Variants in LRP1B observed in about 807,000 individuals in gnomAD.
LRP1B encodes the protein low-density lipoprotein receptor-related protein 1B.
Under a neutral mutation model 556.6 loss-of-function variants are expected in LRP1B, and 217 were observed. The ratio of observed to expected loss-of-function variants is 0.39; its 90% CI spans 0.35 to 0.44. LRP1B has a LOEUF of 0.44. Ranked by LOEUF, LRP1B falls within the 20% of genes least tolerant of loss-of-function variation. The probability of loss-of-function intolerance (pLI) is 1.00; values close to 1 mark genes in which losing one functional copy is unlikely to be tolerated. For synonymous variants in LRP1B, 2,047 were observed against 1,865.8 expected, an observed-to-expected ratio of 1.10 and a Z score of -2.50; for missense variants, 5,053 against 5,620.8, an observed-to-expected ratio of 0.90 and a Z score of 3.23.
intron 11 of LRP1B, among the ~76,000 whole-genome samples, chr2:141,029,781 G>A (rs74829402): frequency 1.7e-3 from 260 of 152,182 alleles, no homozygotes; most frequent in African/African-American, 6.1e-3. Flanking sequence ...ATGCAGTGGC[G>A]GCAGGTTTAT....
At chr2:140,299,378 A>T (rs2105004139) in intron 83 of LRP1B, among the ~76,000 whole-genome samples, 1 of 152,260 alleles carries the variant, frequency 6.6e-6, no homozygotes. Flanking sequence ...TGAACAAAGT[A>T]ATATACATTT....
intron 11 of LRP1B, among the ~76,000 whole-genome samples, chr2:141,039,853 CA>C (rs1315756527): frequency 6.6e-6 from 1 of 151,916 alleles, no homozygotes; most frequent in African/African-American, 2.4e-5. Context: ...TATATTGGTT[CA>C]AATTACTTTT....
At chr2:141,943,705 C>T (rs1700880339) in intron 1 of LRP1B, among the ~76,000 whole-genome samples, 1 of 151,772 alleles carries the variant, frequency 6.6e-6, no homozygotes, top group East Asian at 1.9e-4. Flanking sequence ...ACTATAAGCA[C>T]AGGTGCAATT....
intron 3 of LRP1B, among the ~76,000 whole-genome samples, chr2:141,409,583 T>G (rs1690773123): frequency 6.6e-6 from 1 of 152,106 alleles, no homozygotes; most frequent in South Asian, 2.1e-4. Context: ...ATATGTCTAC[T>G]ATGTGGAAAA....
chr2:140,487,454 C>A (rs1257938360), intron 58 of LRP1B, among the ~76,000 whole-genome samples, 163 bp downstream of exon 58: 1 of 151,822 alleles, frequency 6.6e-6, no homozygotes, highest in East Asian at 1.9e-4. Flanking sequence ...TAAAAGGTCT[C>A]ATTTTTCATA....
chr2:141,041,135 G>GAT (rs942186246), intron 11 of LRP1B, among the ~76,000 whole-genome samples: 1 of 152,004 alleles, frequency 6.6e-6, no homozygotes, highest in Non-Finnish European at 1.5e-5. Flanking sequence ...CTTCTCTTCT[G>GAT]ATATTATCAG....
At chr2:140,712,053 GC>G (rs1196292615) in intron 37 of LRP1B, among the ~76,000 whole-genome samples, 2 of 152,114 alleles carry the variant, frequency 1.3e-5, no homozygotes, top group Non-Finnish European at 2.9e-5. Context: ...CCATTTCTGA[GC>G]TCTCAAATGA....
chr2:140,893,895 G>A (rs1298670913), intron 23 of LRP1B, among the ~76,000 whole-genome samples: 3 of 152,156 alleles, frequency 2.0e-5, no homozygotes, highest in African/African-American at 4.8e-5. Flanking sequence ...TAGCAATAAT[G>A]TGCCTAAAGT....
At chr2:141,562,333 A>G (rs1185215247) in intron 2 of LRP1B, among the ~76,000 whole-genome samples, 1 of 151,880 alleles carries the variant, frequency 6.6e-6, no homozygotes, top group Non-Finnish European at 1.5e-5. Flanking sequence ...ATGGACCCAG[A>G]GATTTCTTTT....
At chr2:141,935,459 C>T (rs896962929) in intron 1 of LRP1B, among the ~76,000 whole-genome samples, 4 of 151,974 alleles carry the variant, frequency 2.6e-5, no homozygotes, top group African/African-American at 7.3e-5. Flanking sequence ...TCTTAGATGG[C>T]CATTAAAGTT....
intron 6 of LRP1B, among the ~76,000 whole-genome samples, chr2:141,224,066 TA>T (rs1439551428): frequency 5.9e-5 from 9 of 151,854 alleles, no homozygotes; most frequent in Non-Finnish European, 1.2e-4. Context: ...TTCTGCACAG[TA>T]AAAGAAACTA....
rs547837272 is a variant in LRP1B, at chr2:141,725,742, C to T, written c.205+84537G>A. On this transcript the variant is annotated intron_variant, in intron 2 of 90. Transcript: ENST00000389484. The stretch of plus-strand genomic sequence containing the variant: ...ATTTTACTTTGAAGAATTTAGTCTA[C>T]GGGCTAAGAGGATGTAGCTGAGAGA... Among the ~76,000 whole-genome samples the T allele has an allele frequency of 4.2e-4, 63 of 151,598 alleles. No homozygotes were observed. The South Asian group carries it at 0.012, about 28-fold the overall frequency.
chr2:141,840,568 A>C (rs1697435383), intron 1 of LRP1B, among the ~76,000 whole-genome samples: 2 of 151,948 alleles, frequency 1.3e-5, no homozygotes, highest in African/African-American at 4.8e-5. Context: ...TATTAGAACA[A>C]ATTTCATCCT....
At chr2:141,168,388 A>G (rs1680356778) in intron 7 of LRP1B, among the ~76,000 whole-genome samples, 1 of 152,088 alleles carries the variant, frequency 6.6e-6, no homozygotes, top group South Asian at 2.1e-4. Flanking sequence ...TGTTACTTAG[A>G]GCAGTGAAGT....
chr2:141,989,084 C>G (rs1702275230), intron 1 of LRP1B, among the ~76,000 whole-genome samples: 1 of 152,014 alleles, frequency 6.6e-6, no homozygotes, highest in Non-Finnish European at 1.5e-5. Context: ...AAGCATCTTG[C>G]ATTCTCTTTT....
chr2:141,945,791 G>A (rs1700937138), intron 1 of LRP1B, among the ~76,000 whole-genome samples: 1 of 148,514 alleles, frequency 6.7e-6, no homozygotes, highest in South Asian at 2.1e-4. Flanking sequence ...GCAAATCAGA[G>A]GCCTTGGCCT....
At chr2:142,074,404 G>A (rs1705426724) in intron 1 of LRP1B, among the ~76,000 whole-genome samples, 1 of 151,946 alleles carries the variant, frequency 6.6e-6, no homozygotes, top group Non-Finnish European at 1.5e-5. Flanking sequence ...TAATTCTCAA[G>A]GTTCCATCAT....
chr2:141,997,799 G>T (rs1702542967), intron 1 of LRP1B, among the ~76,000 whole-genome samples: 1 of 151,852 alleles, frequency 6.6e-6, no homozygotes, highest in African/African-American at 2.4e-5. Context: ...ACCCTGTGCT[G>T]CATAAGGGAC....
At chr2:141,548,990 A>G (rs62169789) in intron 2 of LRP1B, among the ~76,000 whole-genome samples, 3,341 of 152,286 alleles carry the variant, frequency 0.022, 101 homozygotes, top group East Asian at 0.13. Context: ...ATATACAGTT[A>G]TCTACTACAG....
Sources: gnomAD v4.1 joint callset for allele counts (sites outside exome capture counted in the v4.1 genomes callset) on GRCh38, gnomAD v4.1.1 for gene constraint, MANE v1.5 for transcripts, NCBI Gene and HGNC (gene_info 2026-07-23, HGNC 2026-07-21) for gene names.